Variants in CD34 observed in about 807,000 individuals in gnomAD.
The protein encoded by CD34 is hematopoietic progenitor cell antigen CD34.
CD34 carries 34 observed loss-of-function variants against 40.1 expected under a neutral mutation model. The observed-to-expected ratio is 0.85, with a 90% CI of 0.65 to 1.13. The LOEUF (loss-of-function observed/expected upper bound fraction) is 1.13. Ranked by LOEUF, CD34 falls within the 50% of genes most tolerant of loss-of-function variation. The pLI is 0.00. For missense variants in CD34, 426 were observed against 466.9 expected (o/e 0.91, Z 0.81); for synonymous variants, 209 against 190.0 (o/e 1.10, Z -0.82).
In CD34 at chr1:207,900,568, C is replaced by T. The variant is rs140181055; in HGVS notation, c.80-565G>A. Among the ~76,000 whole-genome samples, 917 of 152,282 alleles carry T rather than the reference C, an allele frequency of 6.0e-3. 17 individuals carry two copies. The highest frequency in any genetic ancestry group is 0.036 in the Admixed American group (544 of 15,298). Reference sequence around the variant, plus strand: ...AATCACTAGACTCACTGTCTCTATGCGATCCCCTTAAAAATCTATACTTCT... The same window carrying T: ...AATCACTAGACTCACTGTCTCTATGTGATCCCCTTAAAAATCTATACTTCT... On this transcript the variant is annotated intron_variant, in intron 1 of 7. Transcript: ENST00000310833.
At chr1:207,908,956 TGGC>T (rs1239301368) in intron 1 of CD34, among the ~76,000 whole-genome samples, 5 of 152,224 alleles carry the variant, frequency 3.3e-5, no homozygotes, top group Non-Finnish European at 7.3e-5. Flanking sequence ...ATTTCTGCAA[TGGC>T]CCTATGGTAG....
intron 2 of CD34, among the ~76,000 whole-genome samples, chr1:207,899,446 G>A (rs1283598497): frequency 6.6e-6 from 1 of 152,120 alleles, no homozygotes; most frequent in Non-Finnish European, 1.5e-5. Context: ...AATAGATGCT[G>A]GTCTACCTTA....
At chr1:207,905,663 T>C (rs1269496531) in intron 1 of CD34, among the ~76,000 whole-genome samples, 1 of 152,138 alleles carries the variant, frequency 6.6e-6, no homozygotes, top group Admixed American at 6.5e-5. Context: ...AATCAGAAAT[T>C]CTAAAATACT....
chr1:207,889,178 G>A lies in CD34; in HGVS notation c.790C>T (p.Gln264Ter), dbSNP rs1218029562. Residue 264 changes from glutamine to a stop codon, truncating the protein, a stop_gained, in exon 6 of 8, where the codon CAA becomes TAA. Transcript: ENST00000310833. LOFTEE classifies it high-confidence loss of function. ...GGACTTACCTTTTTCAGGTCAGATTGGTGCTTTTTCATAAGTTGGAGTTTG... is the reference window on the plus strand; with the variant it reads ...GGACTTACCTTTTTCAGGTCAGATTAGTGCTTTTTCATAAGTTGGAGTTTG... The part of the protein sequence containing the change: ...SSKLQLMKKH[Q>*]SDLKKLGILD... The A allele has an allele frequency of 2.5e-6, 4 of 1,597,552 alleles. No homozygotes were observed. The highest frequency in any genetic ancestry group is 3.4e-6 in the Non-Finnish European group (4 of 1,164,968).
Position 207,885,293 on chromosome 1 carries a change from A to G in CD34, c.*2445T>C, listed in dbSNP as rs1156777311. 3 of 152,194 alleles carry G rather than the reference A, an allele frequency of 2.0e-5. No individual in the cohort carries two copies. The highest frequency in any genetic ancestry group is 4.4e-5 in the Non-Finnish European group (3 of 68,120). The allele number at this position is 152,194 out of a possible 1,614,324, so 9.4% of individuals were successfully genotyped here. ...AGGACGCTCAGGCCCACGGTGGGAA[A>G]GTTGGATTTTTCCAGAAAGCAGGCA... On this transcript the variant is annotated 3_prime_UTR_variant, in exon 8 of 8. Coordinates refer to ENST00000310833, the MANE Select transcript of CD34 (RefSeq NM_001025109.2).
At chr1:207,897,345 G>A (rs1486461975) in intron 4 of CD34, 148 bp downstream of exon 4, 2 of 567,108 alleles carry the variant, frequency 3.5e-6, no homozygotes, top group African/African-American at 3.7e-5. Flanking sequence ...TAAACAGAAA[G>A]CTCAGTATTA....
Position 207,888,715 on chromosome 1 carries a change from A to G in CD34, c.939T>C (p.Asn313=). ...CTCCTGTGGGGCTCCAGCTGCGGCG[A>G]TTCATCAGGAAATAGCCAGTGATGC... is the stretch of plus-strand genomic sequence containing the variant. ...VLGITGYFLM[N]RRSWSPTGER... The change falls in exon 7 of 8, where the codon AAT becomes AAC. Residue 313 remains asparagine (N), a synonymous_variant. Transcript: ENST00000310833. The G allele has an allele frequency of 6.2e-7, 1 of 1,614,200 alleles. No homozygotes were observed. Among genetic ancestry groups the G allele is most frequent in the African/African-American group, 1.3e-5 (1 of 75,050 alleles).
chr1:207,885,075 A>C lies in CD34; in HGVS notation c.*2663T>G, dbSNP rs1661875777. 1 of 152,188 alleles carries C rather than the reference A, an allele frequency of 6.6e-6. No homozygotes were observed. Among genetic ancestry groups the C allele is most frequent in the African/African-American group, 2.4e-5 (1 of 41,438 alleles). 9.4% of individuals were successfully genotyped at this position (152,188 alleles called of 1,614,324 possible). ...TTAGTTTGTCTTTAACTATACCATA[A>C]GGGAGTTTAATTAAATGTATCTTTA... On this transcript the variant is annotated 3_prime_UTR_variant, in exon 8 of 8. Transcript: ENST00000310833.
intron 4 of CD34, among the ~76,000 whole-genome samples, chr1:207,891,731 A>G (rs568715963): frequency 6.6e-6 from 1 of 151,228 alleles, no homozygotes; most frequent in African/African-American, 2.4e-5. Flanking sequence ...CTTTCCATAT[A>G]TTAACTCATT....
chr1:207,881,491 C>T lies in CD34; in HGVS notation c.*6247G>A, dbSNP rs1312234767. 6.6e-6 allele frequency: 1 copy of T among 152,064 alleles called. No homozygotes were observed. Among genetic ancestry groups the T allele is most frequent in the Non-Finnish European group, 1.5e-5 (1 of 68,042 alleles). 9.4% of individuals were successfully genotyped at this position (152,064 alleles called of 1,614,324 possible). ...TGGCTAACACGGTGAAACCCCATCTCTACTAAAAATACAAAAAAATTAGCC... is the reference window on the plus strand; with the variant it reads ...TGGCTAACACGGTGAAACCCCATCTTTACTAAAAATACAAAAAAATTAGCC... On this transcript the variant is annotated 3_prime_UTR_variant, in exon 8 of 8. Coordinates refer to ENST00000310833, the MANE Select transcript of CD34 (RefSeq NM_001025109.2).
Position 207,887,620 on chromosome 1 carries a change from T to C in CD34, c.*118A>G, listed in dbSNP as rs1445919605. 4.9e-6 allele frequency: 7 copies of C among 1,414,628 alleles called. No individual in the cohort carries two copies. Among genetic ancestry groups the C allele is most frequent in the Non-Finnish European group, 6.7e-6 (7 of 1,039,238 alleles). 87.6% of individuals were successfully genotyped at this position (1,414,628 alleles called of 1,614,324 possible). ...CCCCAAGAACAGCCTCTGAGGTGTG[T>C]GCAGTGGGGAAGGGTTGGGCGTAAG... On this transcript the variant is annotated 3_prime_UTR_variant, in exon 8 of 8. Coordinates refer to ENST00000310833, the MANE Select transcript of CD34 (RefSeq NM_001025109.2).
In CD34 at chr1:207,881,541, T is replaced by C. The variant is rs1217852846; in HGVS notation, c.*6197A>G. 1.3e-5 allele frequency: 2 copies of C among 151,342 alleles called. No homozygotes were observed. The highest frequency in any genetic ancestry group is 4.9e-5 in the African/African-American group (2 of 41,178). The allele number at this position is 151,342 out of a possible 1,614,324, so 9.4% of individuals were successfully genotyped here. On this transcript the variant is annotated 3_prime_UTR_variant, in exon 8 of 8. Coordinates refer to ENST00000310833, the MANE Select transcript of CD34 (RefSeq NM_001025109.2). ...CGGGCGTGGTGGCGGGTGCCTGTAG[T>C]CCCAGCTACTTGGGAGGCTGAGGCA...
At chr1:207,897,604 A>G in intron 3 of CD34, 31 bp from the exon 4 acceptor site, 3 of 1,489,636 alleles carry the variant, frequency 2.0e-6, no homozygotes, top group African/African-American at 2.8e-5. Context: ...TAACAAAAAC[A>G]AAGTAAATAA....
At chr1:207,906,131 T>G (rs963939868) in intron 1 of CD34, among the ~76,000 whole-genome samples, 2 of 152,198 alleles carry the variant, frequency 1.3e-5, no homozygotes, top group Non-Finnish European at 2.9e-5. Context: ...CTCAAGGAGT[T>G]TGTAATCTAG....
chr1:207,903,174 T>A (rs1230710020), intron 1 of CD34, among the ~76,000 whole-genome samples: 1 of 152,152 alleles, frequency 6.6e-6, no homozygotes, highest in Non-Finnish European at 1.5e-5. Flanking sequence ...AGGTTCACAG[T>A]CTCTAGAGCC....
At chr1:207,910,956 T>A (rs1163783741) in intron 1 of CD34, 46 bp downstream of exon 1, 1 of 1,527,082 alleles carries the variant, frequency 6.5e-7, no homozygotes, top group Admixed American at 1.9e-5. Context: ...GCCTCCACCC[T>A]CCCCGCGGCG....
At chr1:207,906,276 T>A (rs1315410005) in intron 1 of CD34, among the ~76,000 whole-genome samples, 2 of 152,132 alleles carry the variant, frequency 1.3e-5, no homozygotes, top group Non-Finnish European at 2.9e-5. Flanking sequence ...AAGGAAAAAG[T>A]GTAAAATGAT....
Position 207,899,853 on chromosome 1 carries a change from T to A in CD34, c.230A>T (p.Gln77Leu). The A allele has an allele frequency of 6.2e-7, 1 of 1,612,986 alleles. No homozygotes were observed. The highest frequency in any genetic ancestry group is 8.5e-7 in the Non-Finnish European group (1 of 1,179,560). Residue 77 changes from glutamine to leucine, a missense_variant, in exon 2 of 8, where the codon CAA (glutamine) becomes CTA (leucine). Coordinates refer to ENST00000310833, the MANE Select transcript of CD34 (RefSeq NM_001025109.2). The stretch of plus-strand genomic sequence containing the variant: ...GTTTGTTGTGGCCTCATTGCCATGT[T>A]GAGACACAGGGTGCAGGCTGGTACT... The part of the protein sequence containing the change: ...LGSTSLHPVS[Q>L]HGNEATTNIT...
At chr1:207,890,133 C>T in intron 4 of CD34, 1 of 1,074,860 alleles carries the variant, frequency 9.3e-7, no homozygotes, top group Non-Finnish European at 1.1e-6. Context: ...AAGTGCATTG[C>T]TCAAACTGAA....
Sources: allele counts gnomAD v4.1 joint callset (sites outside exome capture counted in the v4.1 genomes callset), GRCh38; gene constraint gnomAD v4.1.1; transcripts MANE v1.5; gene names NCBI Gene and HGNC (gene_info 2026-07-23, HGNC 2026-07-21).